CLVS1: variants seen among roughly 807,000 people sequenced by gnomAD.
CLVS1 encodes clavesin 1.
A neutral mutation model predicts 33.1 loss-of-function variants in CLVS1; 10 were observed. The observed-to-expected ratio is 0.30, with a 90% CI of 0.19 to 0.51. The LOEUF is 0.51. Ranked by LOEUF, CLVS1 falls within the 20% of genes least tolerant of loss-of-function variation. CLVS1 has a pLI of 0.97. For missense variants in CLVS1, 343 were observed against 433.4 expected, an observed-to-expected ratio of 0.79 and a Z score of 1.85; for synonymous variants, 163 against 166.1, an observed-to-expected ratio of 0.98 and a Z score of 0.14.
At chr8:61,327,608 A>G (rs1365892844) in intron 2 of CLVS1, among the ~76,000 whole-genome samples, 2 of 152,236 alleles carry the variant, frequency 1.3e-5, no homozygotes, top group East Asian at 1.9e-4. Flanking sequence ...CAACTTTTTC[A>G]TATGATTTGA....
chr8:61,203,356 G>C, intron 2 of CLVS1: 4 of 576,434 alleles, frequency 6.9e-6, no homozygotes, highest in Non-Finnish European at 1.3e-5. Context: ...ATGTTGTCCA[G>C]GTTCTATTGC....
At chr8:61,340,785 G>A (rs1377858836) in intron 2 of CLVS1, among the ~76,000 whole-genome samples, 1 of 152,152 alleles carries the variant, frequency 6.6e-6, no homozygotes, top group Non-Finnish European at 1.5e-5. Flanking sequence ...GGCTGTACCA[G>A]TGTTAGATAC....
At chr8:61,077,350 C>T (rs1043774735) in intron 1 of CLVS1, among the ~76,000 whole-genome samples, 49 of 151,866 alleles carry the variant, frequency 3.2e-4, no homozygotes, top group Non-Finnish European at 5.0e-4. Context: ...GGATTACAGG[C>T]GTGAGCCACT....
chr8:61,167,890 T>C (rs867084436), intron 2 of CLVS1, among the ~76,000 whole-genome samples: 8 of 152,196 alleles, frequency 5.3e-5, no homozygotes, highest in South Asian at 2.1e-4. Context: ...TCCTATATAG[T>C]CTAAAAAGGG....
At chr8:61,144,579 G>A (rs575270366) in intron 2 of CLVS1, among the ~76,000 whole-genome samples, 1 of 152,174 alleles carries the variant, frequency 6.6e-6, no homozygotes, top group African/African-American at 2.4e-5. Flanking sequence ...CCCAGTAATG[G>A]GATTTCTGGG....
At chr8:61,363,743 C>G (rs1813078781) in intron 2 of CLVS1, among the ~76,000 whole-genome samples, 1 of 152,150 alleles carries the variant, frequency 6.6e-6, no homozygotes, top group African/African-American at 2.4e-5. Flanking sequence ...TTGTTTGTTT[C>G]TGATTCTTAG....
At chr8:61,422,453 G>A (rs1305851583) in intron 3 of CLVS1, among the ~76,000 whole-genome samples, 5 of 152,264 alleles carry the variant, frequency 3.3e-5, no homozygotes, top group Admixed American at 6.5e-5. Context: ...ATCATAGTCC[G>A]TGCACAAAGA....
At chr8:61,235,215 A>G (rs908323255) in intron 2 of CLVS1, among the ~76,000 whole-genome samples, 4 of 152,224 alleles carry the variant, frequency 2.6e-5, no homozygotes, top group African/African-American at 9.6e-5. Context: ...TGTGAGCAGA[A>G]CACAAAACTG....
intron 2 of CLVS1, among the ~76,000 whole-genome samples, chr8:61,192,750 C>G (rs1293918873): frequency 2.0e-5 from 3 of 152,114 alleles, no homozygotes; most frequent in Non-Finnish European, 4.4e-5. Flanking sequence ...ATTTATGCAG[C>G]CAACAGACAC....
intron 2 of CLVS1, among the ~76,000 whole-genome samples, chr8:61,274,192 C>A (rs1809520812): frequency 6.6e-6 from 1 of 152,120 alleles, no homozygotes; most frequent in South Asian, 2.1e-4. Context: ...TTCACTGTGC[C>A]CAGCATTGTG....
intron 1 of CLVS1, among the ~76,000 whole-genome samples, chr8:61,093,091 T>C (rs1344253559): frequency 1.3e-5 from 2 of 152,352 alleles, no homozygotes; most frequent in East Asian, 3.9e-4. Flanking sequence ...TTTCTTCTTG[T>C]GTATTCTCAA....
Position 61,300,017 on chromosome 8 carries a change from C to A in CLVS1, c.190C>A (p.Pro64Thr), listed in dbSNP as rs773413383. Residue 64 changes from proline to threonine, a missense_variant, in exon 2 of 6, where the codon CCT (proline) becomes ACT (threonine). Physicochemically the swap from Pro to Thr is conservative, Grantham distance 38. This residue lies in a region of CLVS1 where 88 missense variants were observed against 77.3 expected (regional missense o/e 1.14). Coordinates refer to ENST00000325897, the MANE Select transcript of CLVS1 (RefSeq NM_173519.3). The part of the protein sequence containing the change: ...QQVRDMIITR[P>T]DIGFLRTDDA... Reference sequence around the variant, plus strand: ...AGTCAGGGACATGATCATCACCAGGCCTGACATTGGATTTTTACGTACAGA... The same window carrying A: ...AGTCAGGGACATGATCATCACCAGGACTGACATTGGATTTTTACGTACAGA... 1.2e-5 allele frequency: 19 copies of A among 1,614,010 alleles called. No individual in the cohort carries two copies. In the South Asian group the frequency reaches 2.1e-4, roughly 18 times the overall value.
intron 2 of CLVS1, among the ~76,000 whole-genome samples, chr8:61,311,160 C>A (rs1315403163): frequency 6.6e-6 from 1 of 152,154 alleles, no homozygotes; most frequent in Admixed American, 6.5e-5. Context: ...TACAATATGT[C>A]TCTGCTGTGT....
rs114206790 is a variant in CLVS1 at position 61,103,136 on chromosome 8, G to A, written c.-242-28634G>A. ...TGTAACACAAGGTCCCATGTAGAAA[G>A]CAGCAATACTTTTCTTTGCTAGTGG... On this transcript the variant is annotated intron_variant, in intron 1 of 2. Coordinates refer to the CLVS1 transcript ENST00000522621. 6.4e-3 allele frequency among the ~76,000 whole-genome samples: 981 copies of A among 152,332 alleles called. 12 individuals carry two copies. Among genetic ancestry groups the A allele is most frequent in the African/African-American group, 0.022 (924 of 41,574 alleles).
At chr8:61,261,709 C>T (rs2129592252) in intron 2 of CLVS1, among the ~76,000 whole-genome samples, 1 of 152,248 alleles carries the variant, frequency 6.6e-6, no homozygotes, top group South Asian at 2.1e-4. Context: ...TAGAAGGAGC[C>T]ATCTGTGAAC....
At chr8:61,390,126 T>C (rs1329658370) in intron 3 of CLVS1, among the ~76,000 whole-genome samples, 1 of 152,124 alleles carries the variant, frequency 6.6e-6, no homozygotes, top group East Asian at 1.9e-4. Context: ...TGTAAAAAGA[T>C]TTTTTCCTTT....
At chr8:61,307,295 G>C (rs1193613115) in intron 2 of CLVS1, among the ~76,000 whole-genome samples, 1 of 152,110 alleles carries the variant, frequency 6.6e-6, no homozygotes, top group African/African-American at 2.4e-5. Flanking sequence ...ATGAAAAATT[G>C]GTTCCTTAAG....
intron 1 of CLVS1, among the ~76,000 whole-genome samples, chr8:61,293,226 A>C (rs1367831714): frequency 6.6e-6 from 1 of 152,164 alleles, no homozygotes; most frequent in African/African-American, 2.4e-5. Context: ...GATAATTCAG[A>C]GTCTCCTCTC....
chr8:61,138,882 T>C (rs2129292610), intron 2 of CLVS1, among the ~76,000 whole-genome samples: 1 of 152,346 alleles, frequency 6.6e-6, no homozygotes, highest in East Asian at 1.9e-4. Context: ...AGGTGTTGGC[T>C]CGCTCTTTCC....
Sources: allele counts gnomAD v4.1 joint callset (sites outside exome capture counted in the v4.1 genomes callset), GRCh38; gene constraint gnomAD v4.1.1; regional missense constraint gnomAD v4.1.1; transcripts MANE v1.5; gene names NCBI Gene and HGNC (gene_info 2026-07-23, HGNC 2026-07-21).